Variants in TTBK2 observed in about 807,000 individuals in gnomAD.
TTBK2 encodes tau-tubulin kinase 2.
A neutral mutation model predicts 110.8 loss-of-function variants in TTBK2; 28 were observed. The observed-to-expected ratio is 0.25, with a 90% CI of 0.19 to 0.35. The LOEUF (loss-of-function observed/expected upper bound fraction) is 0.35. Ranked by LOEUF, TTBK2 falls within the 10% of genes least tolerant of loss-of-function variation. The pLI is 1.00. For synonymous variants in TTBK2, 532 were observed against 527.3 expected (o/e 1.01, Z -0.12); for missense variants, 1,369 against 1,500.3 (o/e 0.91, Z 1.45).
At chr15:42,762,832 G>A (rs910601190) in intron 13 of TTBK2, among the ~76,000 whole-genome samples, 76 of 151,942 alleles carry the variant, frequency 5.0e-4, no homozygotes, top group Middle Eastern at 6.8e-3. Flanking sequence ...TGGCACTGGA[G>A]GCTGTTATGT....
chr15:42,859,397 G>A (rs1276272627), intron 3 of TTBK2, among the ~76,000 whole-genome samples: 1 of 152,088 alleles, frequency 6.6e-6, no homozygotes, highest in Non-Finnish European at 1.5e-5. Flanking sequence ...CATGAGCAGT[G>A]CACCATACCT....
chr15:42,822,436 A>G (rs1892344854), intron 6 of TTBK2, among the ~76,000 whole-genome samples: 1 of 152,220 alleles, frequency 6.6e-6, no homozygotes, highest in East Asian at 1.9e-4. Context: ...ATGAAAACAA[A>G]AAAGAAAAAA....
At chr15:42,855,762 G>A (rs564715503) in intron 3 of TTBK2, among the ~76,000 whole-genome samples, 10 of 152,216 alleles carry the variant, frequency 6.6e-5, no homozygotes, top group East Asian at 1.9e-4. Flanking sequence ...TCGGCTCACC[G>A]CAGGCTCCGC....
chr15:42,895,532 C>G (rs1206164980), intron 1 of TTBK2, among the ~76,000 whole-genome samples: 1 of 151,238 alleles, frequency 6.6e-6, no homozygotes, highest in African/African-American at 2.4e-5. Context: ...ATGTATACAT[C>G]AAAAAGATTT....
At chr15:42,919,219 TCAGA>T (rs2031242814) in intron 1 of TTBK2, among the ~76,000 whole-genome samples, 1 of 152,158 alleles carries the variant, frequency 6.6e-6, no homozygotes, top group Non-Finnish European at 1.5e-5. Flanking sequence ...TTTTTTGACT[TCAGA>T]CAAATGCCTC....
chr15:42,905,511 C>T (rs553278741), intron 1 of TTBK2, among the ~76,000 whole-genome samples: 1 of 152,294 alleles, frequency 6.6e-6, no homozygotes, highest in South Asian at 2.1e-4. Context: ...CCCAACTCGG[C>T]TTCCCAAAGT....
intron 3 of TTBK2, among the ~76,000 whole-genome samples, chr15:42,848,852 T>C (rs149058070): frequency 2.0e-5 from 3 of 152,190 alleles, no homozygotes; most frequent in Admixed American, 2.0e-4. Context: ...TTACTGAACT[T>C]TTTAAAATTC....
intron 1 of TTBK2, among the ~76,000 whole-genome samples, chr15:42,917,411 TTATAA>T (rs1428777924): frequency 5.9e-5 from 9 of 152,214 alleles, no homozygotes; most frequent in South Asian, 2.1e-4. Context: ...TCATATTATG[TTATAA>T]TATAATTTCA....
At chr15:42,833,292 T>C (rs562461519) in intron 4 of TTBK2, among the ~76,000 whole-genome samples, 22 of 136,650 alleles carry the variant, frequency 1.6e-4, no homozygotes, top group Non-Finnish European at 3.4e-4. Context: ...TATATAGTAA[T>C]GTGGAATGAA....
intron 3 of TTBK2, among the ~76,000 whole-genome samples, chr15:42,862,592 A>AT (rs1894202186): frequency 6.6e-6 from 1 of 152,200 alleles, no homozygotes; most frequent in African/African-American, 2.4e-5. Flanking sequence ...ATATCTCAAA[A>AT]TAATAGCCAT....
rs1252009922 is a variant in TTBK2 at position 42,852,244 on chromosome 15, T to C, written c.218-11811A>G. 2.6e-5 allele frequency among the ~76,000 whole-genome samples: 4 copies of C among 152,072 alleles called. No homozygotes were observed. The East Asian group carries it at 7.7e-4, about 29-fold the overall frequency. On this transcript the variant is annotated intron_variant, in intron 3 of 14. Transcript: ENST00000267890. ...CCACCGGGCCCAGCTAATTTTTGTA[T>C]TGTTAGTAGAGACGGGGTTTTACCA... is the stretch of plus-strand genomic sequence containing the variant.
rs551766601 is a variant in TTBK2, at chr15:42,917,022, T to A, written c.-68+3416A>T. Among the ~76,000 whole-genome samples, 191 of 152,302 alleles carry A rather than the reference T, an allele frequency of 1.3e-3. 1 individual carries two copies. Among genetic ancestry groups the A allele is most frequent in the Middle Eastern group, 6.8e-3 (2 of 294 alleles). On this transcript the variant is annotated intron_variant, in intron 1 of 14. Coordinates refer to ENST00000267890, the MANE Select transcript of TTBK2 (RefSeq NM_173500.4). ...TAATGATTCTGAAAACATGGTTAAATCTCGATAGCTTACCAAAGGAAGCTA... is the reference window on the plus strand; with the variant it reads ...TAATGATTCTGAAAACATGGTTAAAACTCGATAGCTTACCAAAGGAAGCTA...
In TTBK2 at chr15:42,744,966, T is replaced by C. The variant is rs1430557346; in HGVS notation, c.*829A>G. 6.5e-6 allele frequency: 1 copy of C among 154,362 alleles called. No individual in the cohort carries two copies. The highest frequency in any genetic ancestry group is 6.5e-5 in the Admixed American group (1 of 15,282). The allele number at this position is 154,362 out of a possible 1,614,324, so 9.6% of individuals were successfully genotyped here. ...AGAGATGAAAGGGCATCTTCTATCT[T>C]GAAGGCTATTAACCCACACTTTCTT... On this transcript the variant is annotated 3_prime_UTR_variant, in exon 15 of 15. Coordinates refer to ENST00000267890, the MANE Select transcript of TTBK2 (RefSeq NM_173500.4).
At chr15:42,767,002 T>C (rs574757900) in intron 13 of TTBK2, among the ~76,000 whole-genome samples, 1 of 152,212 alleles carries the variant, frequency 6.6e-6, no homozygotes, top group East Asian at 1.9e-4. Flanking sequence ...CACAACTACA[T>C]GGAAACTGAA....
intron 1 of TTBK2, among the ~76,000 whole-genome samples, chr15:42,917,198 TC>T (rs2031126106): frequency 6.7e-6 from 1 of 149,030 alleles, no homozygotes; most frequent in South Asian, 2.1e-4. Context: ...CTATAAACAC[TC>T]CAAAACACCA....
intron 10 of TTBK2, among the ~76,000 whole-genome samples, chr15:42,790,386 G>C (rs1890607051): frequency 6.6e-6 from 1 of 151,210 alleles, no homozygotes; most frequent in Non-Finnish European, 1.5e-5. Flanking sequence ...CTGGACTCAA[G>C]CCATTCTCCA....
At chr15:42,900,998 C>G (rs1008532078) in intron 1 of TTBK2, among the ~76,000 whole-genome samples, 5 of 152,148 alleles carry the variant, frequency 3.3e-5, no homozygotes, top group African/African-American at 9.6e-5. Context: ...GGACTCCTAC[C>G]TCATACCATA....
intron 9 of TTBK2, among the ~76,000 whole-genome samples, chr15:42,808,039 G>C (rs1891549090): frequency 6.6e-6 from 1 of 152,092 alleles, no homozygotes. Context: ...AAGCTAGTTA[G>C]GAAAACAGAC....
intron 10 of TTBK2, among the ~76,000 whole-genome samples, chr15:42,791,091 G>A (rs185931483): frequency 9.2e-5 from 14 of 152,202 alleles, no homozygotes; most frequent in South Asian, 2.1e-4. Flanking sequence ...GTTTCACTGT[G>A]TTAGCCAGGA....
Sources: gnomAD v4.1 joint callset for allele counts (sites outside exome capture counted in the v4.1 genomes callset) on GRCh38, gnomAD v4.1.1 for gene constraint, MANE v1.5 for transcripts, NCBI Gene and HGNC (gene_info 2026-07-23, HGNC 2026-07-21) for gene names.